Variants in KMT2C observed in about 807,000 individuals in gnomAD.
KMT2C encodes the protein lysine methyltransferase 2C.
Under a neutral mutation model 507.9 loss-of-function variants are expected in KMT2C, and 88 were observed. The observed-to-expected ratio is 0.17, with a 90% confidence interval of 0.15 to 0.21. KMT2C has a LOEUF of 0.21. Among genes scored for constraint, KMT2C ranks in the 10% least tolerant of loss-of-function variants. The pLI, the probability that KMT2C is intolerant of heterozygous loss-of-function variation, is 1.00. For synonymous variants in KMT2C, 2,049 were observed against 2,080.8 expected (o/e 0.98, Z 0.42); for missense variants, 4,954 against 5,957.8 (o/e 0.83, Z 5.55).
rs587778507 is a variant in KMT2C, at chr7:152,159,040, A to G, written c.11493T>C (p.Phe3831=). ...QTLGAQMQGG[F]GCGNQLPKTD... is the part of the protein sequence containing the mutation. ...TTTTTGGCAACTGGTTGCCACATCCAAAACCACCTTGCATTTGAGCCCCCA... is the reference window on the plus strand; with the variant it reads ...TTTTTGGCAACTGGTTGCCACATCCGAAACCACCTTGCATTTGAGCCCCCA... Residue 3831 remains phenylalanine (F), a synonymous_variant, in exon 44 of 59, where the codon TTT becomes TTC. Coordinates refer to ENST00000262189, the MANE Select transcript of KMT2C (RefSeq NM_170606.3). 7 of 1,614,060 alleles carry G rather than the reference A, an allele frequency of 4.3e-6. No homozygotes were observed. The highest frequency in any genetic ancestry group is 5.9e-6 in the Non-Finnish European group (7 of 1,180,030).
chr7:152,327,755 A>G (rs772203787), intron 3 of KMT2C, among the ~76,000 whole-genome samples: 20 of 152,002 alleles, frequency 1.3e-4, no homozygotes, highest in Non-Finnish European at 2.9e-4. Flanking sequence ...TCAGGAGATC[A>G]AGGCCATCCT....
At chr7:152,411,473 A>G (rs2097682820) in intron 1 of KMT2C, among the ~76,000 whole-genome samples, 1 of 150,960 alleles carries the variant, frequency 6.6e-6, no homozygotes, top group South Asian at 2.1e-4. Flanking sequence ...ACACACAATA[A>G]TCAGTTGATC....
chr7:152,148,770 A>C lies in KMT2C; in HGVS notation c.13157T>G (p.Leu4386Trp). Residue 4386 changes from leucine to tryptophan, a missense_variant, in exon 52 of 59, where the codon TTG (leucine) becomes TGG (tryptophan). By Grantham distance (61) the Leu-to-Trp change is moderately conservative (BLOSUM62 -2). Coordinates refer to ENST00000262189, the MANE Select transcript of KMT2C (RefSeq NM_170606.3). The surrounding 1 kb of genome is among the most constrained non-coding windows in gnomAD (Gnocchi z 7.1). ...AGGATCAGGTTTAAGGGAAGTGCCC[A>C]ATTTCTTTAGAAATTCATCTATTTC... ...EDEIDEFLKKLGTSLKPDPVP... is the reference protein window; with the variant it reads ...EDEIDEFLKKWGTSLKPDPVP... 1 of 1,614,206 alleles carries C rather than the reference A, an allele frequency of 6.2e-7. No homozygotes were observed. Among genetic ancestry groups the C allele is most frequent in the Non-Finnish European group, 8.5e-7 (1 of 1,180,038 alleles).
rs915722486 is a variant in KMT2C, at chr7:152,181,374, A to C, written c.6486T>G (p.Pro2162=). The C allele has an allele frequency of 3.1e-6, 5 of 1,613,688 alleles. No homozygotes were observed. The African/African-American group carries it at 5.4e-5, about 17-fold the overall frequency. Reference sequence around the variant, plus strand: ...CAGTAGTAGGCCGGGGAGTTCCAGGAGGTTGAGAGTAAGGGTCTGTATTGG... The same window carrying C: ...CAGTAGTAGGCCGGGGAGTTCCAGGCGGTTGAGAGTAAGGGTCTGTATTGG... ...ARSNTDPYSQ[P]PGTPRPTTVD... is the part of the protein sequence containing the mutation. The change falls in exon 36 of 59, where the codon CCT becomes CCG. Residue 2162 remains proline (P), a synonymous_variant. Transcript: ENST00000262189.
At chr7:152,203,156 CA>C (rs1487102000) in intron 25 of KMT2C, 92 bp from the exon 26 acceptor site, 14 of 956,802 alleles carry the variant, frequency 1.5e-5, no homozygotes, top group Non-Finnish European at 2.0e-5. Flanking sequence ...AACATACACA[CA>C]GTTTCATATA....
At chr7:152,171,900 G>A (rs1412694406) in intron 39 of KMT2C, among the ~76,000 whole-genome samples, 1 of 152,096 alleles carries the variant, frequency 6.6e-6, no homozygotes, top group Non-Finnish European at 1.5e-5. Flanking sequence ...AAAAATGGAC[G>A]ACTGACCAAG....
chr7:152,158,792 G>T, intron 44 of KMT2C, 71 bp downstream of exon 44: 1 of 1,407,364 alleles, frequency 7.1e-7, no homozygotes, highest in Non-Finnish European at 1.0e-6. Context: ...TGGGATTACA[G>T]GCATGAGCCA....
intron 6 of KMT2C, among the ~76,000 whole-genome samples, chr7:152,293,247 A>G (rs1252403193): frequency 1.3e-5 from 2 of 152,228 alleles, no homozygotes; most frequent in Non-Finnish European, 2.9e-5. Flanking sequence ...TGTAGTAACA[A>G]TTGGCTGTCC....
Position 152,273,872 on chromosome 7 carries a change from A to G in KMT2C, c.850-5T>C. 3.7e-6 allele frequency: 6 copies of G among 1,610,804 alleles called. No homozygotes were observed. The highest frequency in any genetic ancestry group is 4.2e-6 in the Non-Finnish European group (5 of 1,177,688). On this transcript the variant is annotated splice_polypyrimidine_tract_variant and splice_region_variant and intron_variant, in intron 6 of 58. Transcript: ENST00000262189. ...GTGCTTACAAAATGCACATCGCTGA[A>G]AGGGGTAAAGGAGAGAAATCTCTTT...
chr7:152,383,727 A>C (rs995321665), intron 1 of KMT2C, among the ~76,000 whole-genome samples: 3 of 152,076 alleles, frequency 2.0e-5, no homozygotes, highest in Non-Finnish European at 4.4e-5. Flanking sequence ...AAGTCACTTA[A>C]CTTCTCCCTG....
chr7:152,221,754 C>G (rs1407806860), intron 22 of KMT2C, among the ~76,000 whole-genome samples: 2 of 152,118 alleles, frequency 1.3e-5, no homozygotes, highest in African/African-American at 4.8e-5. Flanking sequence ...GAAACTAAAG[C>G]AAGTATGGCA....
At chr7:152,398,416 AT>A (rs1254430489) in intron 1 of KMT2C, among the ~76,000 whole-genome samples, 1 of 152,250 alleles carries the variant, frequency 6.6e-6, no homozygotes, top group African/African-American at 2.4e-5. Flanking sequence ...AAATGATCCC[AT>A]TATCATAAAA....
At chr7:152,357,534 AAAAC>A (rs550874806) in intron 2 of KMT2C, among the ~76,000 whole-genome samples, 56 of 152,220 alleles carry the variant, frequency 3.7e-4, no homozygotes, top group Admixed American at 5.9e-4. Flanking sequence ...TCTTGTCTTA[AAAAC>A]AAACAAACAA....
At chr7:152,217,713 G>A (rs539284197) in intron 23 of KMT2C, among the ~76,000 whole-genome samples, 107 of 151,896 alleles carry the variant, frequency 7.0e-4, no homozygotes, top group Non-Finnish European at 1.2e-3. Context: ...ACCCTGATAC[G>A]AGTCAATGAG....
rs1237226860 is a variant in KMT2C at position 152,139,249 on chromosome 7, ACAC to A, written c.14468_14470del (p.Gly4823del). On this transcript the variant is annotated inframe_deletion, in exon 57 of 59. Coordinates refer to ENST00000262189, the MANE Select transcript of KMT2C (RefSeq NM_170606.3). ...GTCGTTATCCATGCGGAACATGTACACACCACGGTTCTGAGGGAAAAGTCAGTC... is the reference window on the plus strand; with the variant it reads ...GTCGTTATCCATGCGGAACATGTACACACGGTTCTGAGGGAAAAGTCAGTC... The A allele has an allele frequency of 6.2e-7, 1 of 1,613,678 alleles. No individual in the cohort carries two copies. Among genetic ancestry groups the A allele is most frequent in the South Asian group, 1.1e-5 (1 of 91,082 alleles).
intron 51 of KMT2C, among the ~76,000 whole-genome samples, 182 bp from the exon 52 acceptor site, chr7:152,149,334 G>A (rs2091417003): frequency 6.6e-6 from 1 of 152,224 alleles, no homozygotes; most frequent in African/African-American, 2.4e-5. Flanking sequence ...GCTCTAAGGT[G>A]CACAGGGATA....
chr7:152,336,107 TG>T (rs1160479746), intron 2 of KMT2C, among the ~76,000 whole-genome samples: 2 of 152,172 alleles, frequency 1.3e-5, no homozygotes, highest in Non-Finnish European at 2.9e-5. Flanking sequence ...GTTTTACTTT[TG>T]GTTTAGATTT....
chr7:152,264,466 A>G (rs1470914512), intron 8 of KMT2C, among the ~76,000 whole-genome samples: 2 of 152,176 alleles, frequency 1.3e-5, no homozygotes, highest in African/African-American at 2.4e-5. Flanking sequence ...TAAATGCCAC[A>G]TATTTCGTTT....
intron 6 of KMT2C, among the ~76,000 whole-genome samples, chr7:152,308,802 G>A (rs1013556981): frequency 6.6e-6 from 1 of 151,830 alleles, no homozygotes; most frequent in African/African-American, 2.4e-5. Context: ...GACCAGCCTG[G>A]GCAACATGGT....
Sources: allele counts gnomAD v4.1 joint callset (sites outside exome capture counted in the v4.1 genomes callset), GRCh38; gene constraint gnomAD v4.1.1; non-coding constraint Gnocchi (gnomAD v3.1); transcripts MANE v1.5; gene names NCBI Gene and HGNC (gene_info 2026-07-23, HGNC 2026-07-21).